The following PFKFB2 variants were observed in gnomAD, a reference collection of about 807,000 sequenced individuals.
PFKFB2 encodes the protein 6-phosphofructo-2-kinase/fructose-2,6-biphosphatase 2.
In PFKFB2, 53 loss-of-function variants were observed where a neutral mutation model predicts 68.0. The observed-to-expected ratio is 0.78, with a 90% CI of 0.63 to 0.98. The LOEUF (loss-of-function observed/expected upper bound fraction) is 0.98. Among genes scored for constraint, PFKFB2 ranks in the 50% least tolerant of loss-of-function variants. The probability of loss-of-function intolerance (pLI) is 0.00; values close to 1 mark genes in which losing one functional copy is unlikely to be tolerated. For missense variants in PFKFB2, 451 were observed against 642.0 expected (o/e 0.70, Z 3.22); for synonymous variants, 222 against 227.6 (o/e 0.98, Z 0.22).
intron 11 of PFKFB2, 92 bp downstream of exon 11, chr1:207,069,620 G>C (rs1010275903): frequency 1.2e-6 from 1 of 803,494 alleles, no homozygotes; most frequent in Non-Finnish European, 2.1e-6. Context: ...GATTTGGAGG[G>C]TCTAGGCATC....
At chr1:207,053,650 C>T (rs1395987980) in intron 1 of PFKFB2, among the ~76,000 whole-genome samples, 1 of 152,154 alleles carries the variant, frequency 6.6e-6, no homozygotes, top group African/African-American at 2.4e-5. Flanking sequence ...CAGTTTGAAT[C>T]AGGGCTTACC....
intron 2 of PFKFB2, chr1:207,043,956 C>CA (rs1363257204): frequency 6.6e-6 from 1 of 152,498 alleles, no homozygotes; most frequent in East Asian, 1.9e-4. Context: ...ATGACAATGG[C>CA]AAAATCACAT....
Position 207,067,628 on chromosome 1 carries a change from T to A in PFKFB2, c.762T>A (p.Leu254=). 1 of 1,613,992 alleles carries A rather than the reference T, an allele frequency of 6.2e-7. No homozygotes were observed. Among genetic ancestry groups the A allele is most frequent in the Non-Finnish European group, 8.5e-7 (1 of 1,179,996 alleles). Reference sequence around the variant, plus strand: ...ACGTCCAGCCTCGCACCATTTACCTTTGCCGGCATGGAGAAAGCGAGTTCA... The same window carrying A: ...ACGTCCAGCCTCGCACCATTTACCTATGCCGGCATGGAGAAAGCGAGTTCA... ...NIHVQPRTIY[L]CRHGESEFNL... The change falls in exon 9 of 15, where the codon CTT becomes CTA. Residue 254 remains leucine (L), a synonymous_variant. Coordinates refer to ENST00000367080, the MANE Select transcript of PFKFB2 (RefSeq NM_006212.2).
chr1:207,070,161 TC>T lies in PFKFB2; in HGVS notation c.1093-117del. ...GCAGGTGATGTAAACTCACTGAGCC[TC>T]CAGGAGGAAAGCCAGCTGAGGAAGA... is the stretch of plus-strand genomic sequence containing the variant. On this transcript the variant is annotated intron_variant, in intron 11 of 14. Coordinates refer to ENST00000367080, the MANE Select transcript of PFKFB2 (RefSeq NM_006212.2). The surrounding 1 kb of genome is among the most constrained non-coding windows in gnomAD (Gnocchi z 4.2). 2 of 1,200,922 alleles carry T rather than the reference TC, an allele frequency of 1.7e-6. No homozygotes were observed. Among genetic ancestry groups the T allele is most frequent in the Non-Finnish European group, 2.4e-6 (2 of 849,850 alleles). The allele number at this position is 1,200,922 out of a possible 1,614,324, so 74.4% of individuals were successfully genotyped here.
chr1:207,076,530 A>T lies in PFKFB2; in HGVS notation c.*4159A>T. 1.0e-6 allele frequency: 1 copy of T among 970,138 alleles called. No individual in the cohort carries two copies. Among genetic ancestry groups the T allele is most frequent in the Non-Finnish European group, 1.2e-6 (1 of 823,690 alleles). 60.1% of individuals were successfully genotyped at this position (970,138 alleles called of 1,614,324 possible). On this transcript the variant is annotated 3_prime_UTR_variant, in exon 15 of 15. Coordinates refer to ENST00000367080, the MANE Select transcript of PFKFB2 (RefSeq NM_006212.2). ...TTGCAGCACTGGTGGGGTAGAATCG[A>T]CTTTCCCTGAAGGTGACACAGATGT... is the stretch of plus-strand genomic sequence containing the variant.
chr1:207,055,282 C>T (rs1429389279), intron 2 of PFKFB2, among the ~76,000 whole-genome samples: 2 of 152,204 alleles, frequency 1.3e-5, no homozygotes, highest in East Asian at 1.9e-4. Flanking sequence ...AGCCCTGACA[C>T]TTGGCTTCTC....
At chr1:207,054,947 G>A (rs746387744) in intron 2 of PFKFB2, 145 bp downstream of exon 2, 6 of 625,730 alleles carry the variant, frequency 9.6e-6, no homozygotes, top group Non-Finnish European at 1.4e-5. Flanking sequence ...AGGGTAGAAT[G>A]TCCTGTCTAA....
rs774033775 is a variant in PFKFB2 at position 207,070,201 on chromosome 1, A to G, written c.1093-79A>G. ...AGCTGAGGAAGAAGAAGTGGCCCTT[A>G]GTCTCCAAGGTCCAGCCACTGACTT... On this transcript the variant is annotated intron_variant, in intron 11 of 14. Transcript: ENST00000367080. This position sits in a 1 kb window ranked among gnomAD's most constrained non-coding sequence, Gnocchi z 4.2. 2.9e-5 allele frequency: 44 copies of G among 1,542,972 alleles called. No individual in the cohort carries two copies. The highest frequency in any genetic ancestry group is 3.5e-5 in the Non-Finnish European group (40 of 1,129,740).
intron 2 of PFKFB2, among the ~76,000 whole-genome samples, chr1:207,043,559 T>C (rs1383855786): frequency 2.0e-5 from 3 of 152,138 alleles, no homozygotes. Context: ...TATTAGAAAA[T>C]AAATATTAAG....
At chr1:207,057,573 C>G (rs1386099060) in intron 2 of PFKFB2, among the ~76,000 whole-genome samples, 1 of 141,266 alleles carries the variant, frequency 7.1e-6, no homozygotes, top group Non-Finnish European at 1.5e-5. Context: ...CAGACAAATT[C>G]TTCCATGTAC....
At chr1:207,035,062 T>C (rs944083035) in intron 1 of PFKFB2, 17 of 672,350 alleles carry the variant, frequency 2.5e-5, no homozygotes, top group African/African-American at 1.8e-4. Context: ...CTGGTTGATA[T>C]AGGTCATCAT....
Position 207,074,115 on chromosome 1 carries a change from C to T in PFKFB2, c.*1744C>T. On this transcript the variant is annotated 3_prime_UTR_variant, in exon 15 of 15. Transcript: ENST00000367080. ...TCTCTGGGATCTGGGTCTGGACATGCATGTATTTAAGTAGCTTCCCGGATG... is the reference window on the plus strand; with the variant it reads ...TCTCTGGGATCTGGGTCTGGACATGTATGTATTTAAGTAGCTTCCCGGATG... The T allele has an allele frequency of 1.1e-6, 1 of 902,682 alleles. No individual in the cohort carries two copies. Among genetic ancestry groups the T allele is most frequent in the Non-Finnish European group, 1.3e-6 (1 of 762,444 alleles). 55.9% of individuals were successfully genotyped at this position (902,682 alleles called of 1,614,324 possible). A position where few individuals can be genotyped will look rare whatever the true frequency, so the allele number is the denominator to read the frequency against.
chr1:207,047,230 AAC>A (rs1200095634), intron 2 of PFKFB2: 1 of 152,562 alleles, frequency 6.6e-6, no homozygotes, highest in Non-Finnish European at 1.5e-5. Flanking sequence ...TAGAAAACTA[AAC>A]ACTTTTAAGT....
chr1:207,073,963 G>T lies in PFKFB2; in HGVS notation c.*1592G>T, dbSNP rs77560413. 30 of 985,356 alleles carry T rather than the reference G, an allele frequency of 3.0e-5. 1 individual carries two copies. In the East Asian group the frequency reaches 3.4e-3, roughly 112 times the overall value. The allele number at this position is 985,356 out of a possible 1,614,324, so 61.0% of individuals were successfully genotyped here. A position where few individuals can be genotyped will look rare whatever the true frequency, so the allele number is the denominator to read the frequency against. ...AAGGAGTTAGCTATTTTCCAAGGGT[G>T]TTTTCATTTGGTAATGGAAGACTTT... On this transcript the variant is annotated 3_prime_UTR_variant, in exon 15 of 15. Coordinates refer to ENST00000367080, the MANE Select transcript of PFKFB2 (RefSeq NM_006212.2).
At chr1:207,051,218 T>G (rs1187317968), upstream of PFKFB2, 3 of 1,144,898 alleles carry the variant, frequency 2.6e-6, no homozygotes, top group South Asian at 1.9e-5. Flanking sequence ...TGAGGTGCCC[T>G]CCGCGTGGGT....
At chr1:207,053,525 G>A (rs935857514) in intron 1 of PFKFB2, among the ~76,000 whole-genome samples, 159 bp downstream of exon 1, 2 of 152,186 alleles carry the variant, frequency 1.3e-5, no homozygotes, top group African/African-American at 2.4e-5. Context: ...TTGGGTTGGA[G>A]GATTTGTGTG....
chr1:207,058,323 G>T (rs1291578960), intron 2 of PFKFB2, among the ~76,000 whole-genome samples: 1 of 152,156 alleles, frequency 6.6e-6, no homozygotes, highest in African/African-American at 2.4e-5. Flanking sequence ...GACGTCCTGG[G>T]TCCTGAAAAG....
At chr1:207,068,334 A>C (rs1044461844) in intron 10 of PFKFB2, 25 bp downstream of exon 10, 1 of 1,531,298 alleles carries the variant, frequency 6.5e-7, no homozygotes, top group African/African-American at 1.4e-5. Context: ...CTGAAGGCCC[A>C]GAAAAGCCAA....
chr1:207,068,403 T>A, intron 10 of PFKFB2, 94 bp downstream of exon 10: 1 of 1,100,426 alleles, frequency 9.1e-7, no homozygotes, highest in Non-Finnish European at 1.2e-6. Flanking sequence ...TCTAGGAAAC[T>A]ACAACCAACA....
Sources: allele counts gnomAD v4.1 joint callset (sites outside exome capture counted in the v4.1 genomes callset), GRCh38; gene constraint gnomAD v4.1.1; non-coding constraint Gnocchi (gnomAD v3.1); transcripts MANE v1.5; gene names NCBI Gene and HGNC (gene_info 2026-07-23, HGNC 2026-07-21).